The following ITGAE variants were observed in gnomAD, a reference collection of about 807,000 sequenced individuals.
ITGAE encodes integrin subunit alpha E.
In ITGAE, 99 loss-of-function variants were observed where a neutral mutation model predicts 136.5. The ratio of observed to expected loss-of-function variants is 0.73; its 90% confidence interval spans 0.62 to 0.86. ITGAE has a LOEUF of 0.86. Among genes scored for constraint, ITGAE ranks in the 40% least tolerant of loss-of-function variants. The pLI, the probability that ITGAE is intolerant of heterozygous loss-of-function variation, is 0.00. For synonymous variants in ITGAE, 613 were observed against 591.8 expected, an observed-to-expected ratio of 1.04 and a Z score of -0.52; for missense variants, 1,447 against 1,515.3, an observed-to-expected ratio of 0.95 and a Z score of 0.75.
At chr17:3,729,647 T>C (rs1567516380) in intron 23 of ITGAE, 92 bp from the exon 24 acceptor site, 8 of 862,044 alleles carry the variant, frequency 9.3e-6, no homozygotes, top group South Asian at 4.0e-5. Flanking sequence ...CAGGCAGGAG[T>C]GCAGTGTTGC....
At position 3,755,873 on chromosome 17, in the gene ITGAE, T is replaced by A; in HGVS notation, c.1196A>T (p.Tyr399Phe). The A allele has an allele frequency of 6.3e-7, 1 of 1,599,958 alleles. No individual in the cohort carries two copies. The highest frequency in any genetic ancestry group is 1.1e-5 in the South Asian group (1 of 88,278). The change falls in exon 11 of 31, where the codon TAC becomes TTC. Residue 399 changes from tyrosine (Y) to phenylalanine (F), a missense_variant. Transcript: ENST00000263087. ...ACTGAAGCCAATCTGTGCCAGCTGG[T>A]AGTGAAGGGCGTCTCCAACCGTGCC... ...MEGTVGDALH[Y>F]QLAQIGFSAQ...
intron 1 of ITGAE, among the ~76,000 whole-genome samples, chr17:3,785,934 G>A (rs555122908): frequency 2.0e-5 from 3 of 152,086 alleles, no homozygotes; most frequent in South Asian, 2.1e-4. Flanking sequence ...TTGGGAGGCC[G>A]AGGCGGGCGG....
At position 3,732,408 on chromosome 17, in the gene ITGAE, A is replaced by T; in HGVS notation, c.2714T>A (p.Met905Lys). The change falls in exon 22 of 31, where the codon ATG (methionine) becomes AAG (lysine). Residue 905 changes from methionine to lysine, a missense_variant. Around this residue, in one of 3 missense-constraint regions of ITGAE, gnomAD observed 1,031 missense variants for 1,011.4 expected, o/e 1.02. Transcript: ENST00000263087. Reference protein sequence around the residue: ...DPQPVASVLIMNCRIGHPVLK... With the variant: ...DPQPVASVLIKNCRIGHPVLK... ...GACGGGGTGACCAATCCTGCAGTTCATGATCAGGACAGAAGCAACCGGCTG... is the reference window on the plus strand; with the variant it reads ...GACGGGGTGACCAATCCTGCAGTTCTTGATCAGGACAGAAGCAACCGGCTG... The T allele has an allele frequency of 6.2e-7, 1 of 1,614,208 alleles. No homozygotes were observed. Among genetic ancestry groups the T allele is most frequent in the Non-Finnish European group, 8.5e-7 (1 of 1,180,032 alleles).
intron 16 of ITGAE, among the ~76,000 whole-genome samples, chr17:3,750,069 G>T (rs2051825597): frequency 6.6e-6 from 1 of 152,198 alleles, no homozygotes; most frequent in African/African-American, 2.4e-5. Context: ...GCTGAGCACT[G>T]TGCTAAATAC....
intron 29 of ITGAE, 86 bp from the exon 30 acceptor site, chr17:3,716,884 G>A: frequency 1.3e-6 from 1 of 761,514 alleles, no homozygotes; most frequent in Non-Finnish European, 2.3e-6. Flanking sequence ...AGCAAAATAC[G>A]AGGACTTGGC....
At chr17:3,721,429 G>T (rs1386469415) in intron 28 of ITGAE, among the ~76,000 whole-genome samples, 1 of 150,898 alleles carries the variant, frequency 6.6e-6, no homozygotes, top group African/African-American at 2.4e-5. Flanking sequence ...GAGCCACCAT[G>T]CGTGGCTAAT....
At chr17:3,780,068 G>A (rs555672383) in intron 1 of ITGAE, among the ~76,000 whole-genome samples, 1 of 152,222 alleles carries the variant, frequency 6.6e-6, no homozygotes, top group South Asian at 2.1e-4. Context: ...CTGCCTCCCA[G>A]GTTCAAGCGA....
At chr17:3,722,141 T>G (rs1333388434) in intron 28 of ITGAE, among the ~76,000 whole-genome samples, 1 of 148,450 alleles carries the variant, frequency 6.7e-6, no homozygotes, top group Non-Finnish European at 1.5e-5. Context: ...ATCGTGCCAT[T>G]GCACAACAAG....
chr17:3,789,338 T>TA (rs142840660), intron 1 of ITGAE, among the ~76,000 whole-genome samples: 11,215 of 152,168 alleles, frequency 0.074, 1,368 homozygotes, highest in African/African-American at 0.25. Flanking sequence ...GGAAAAGTAT[T>TA]AAGCATTTTT....
At chr17:3,741,950 G>T (rs1343074622) in intron 19 of ITGAE, among the ~76,000 whole-genome samples, 1 of 152,140 alleles carries the variant, frequency 6.6e-6, no homozygotes, top group African/African-American at 2.4e-5. Flanking sequence ...GGTGATACAT[G>T]CCTGTAATCC....
At chr17:3,741,437 C>G (rs537131162) in intron 19 of ITGAE, among the ~76,000 whole-genome samples, 42 of 152,118 alleles carry the variant, frequency 2.8e-4, no homozygotes, top group African/African-American at 9.4e-4. Context: ...TCCACCCAGC[C>G]CCAGTGAAAG....
intron 26 of ITGAE, among the ~76,000 whole-genome samples, chr17:3,727,660 A>G (rs1433085690): frequency 6.6e-6 from 1 of 151,998 alleles, no homozygotes; most frequent in African/African-American, 2.4e-5. Flanking sequence ...CGGCCTCCCA[A>G]AGTGCTGGGA....
At position 3,734,888 on chromosome 17, in the gene ITGAE, C is replaced by T. The variant is rs375168971; in HGVS notation, c.2584G>A (p.Gly862Arg). Reference protein sequence around the residue: ...LTLNINLTNSGEDSYMTSMAL... With the variant: ...LTLNINLTNSREDSYMTSMAL... ...ATGCTTGTCATGTAGGAATCTTCCC[C>T]GGAGTTAGTTAGGTTAATGTTCAGG... Residue 862 changes from glycine to arginine, a missense_variant, in exon 21 of 31, where the codon GGG (glycine) becomes AGG (arginine). Gly to Arg is a moderately radical substitution (Grantham distance 125). Transcript: ENST00000263087. 95 of 1,614,028 alleles carry T rather than the reference C, an allele frequency of 5.9e-5. No individual in the cohort carries two copies. Among genetic ancestry groups the T allele is most frequent in the Admixed American group, 1.8e-4 (11 of 59,994 alleles).
chr17:3,726,014 G>C, intron 26 of ITGAE: 6 of 1,614,078 alleles, frequency 3.7e-6, no homozygotes, highest in Non-Finnish European at 5.1e-6. Context: ...TGTCGCGCTT[G>C]GAACGGGATG....
At chr17:3,740,880 G>A (rs914616012) in intron 19 of ITGAE, among the ~76,000 whole-genome samples, 5 of 152,050 alleles carry the variant, frequency 3.3e-5, no homozygotes, top group Non-Finnish European at 7.4e-5. Context: ...TCTGCACTTC[G>A]CACTTCTCTC....
intron 26 of ITGAE, among the ~76,000 whole-genome samples, chr17:3,727,349 T>C (rs1023726255): frequency 6.6e-6 from 1 of 151,994 alleles, no homozygotes; most frequent in African/African-American, 2.4e-5. Context: ...AAGCAGAATT[T>C]ATCAATTTTC....
chr17:3,782,957 TC>T (rs2052699252), intron 1 of ITGAE, among the ~76,000 whole-genome samples: 2 of 152,322 alleles, frequency 1.3e-5, no homozygotes, highest in South Asian at 4.1e-4. Context: ...GCGTTGCATG[TC>T]ATGTTTGGAT....
intron 27 of ITGAE, 150 bp downstream of exon 27, chr17:3,723,538 C>T: frequency 2.0e-6 from 2 of 1,005,540 alleles, no homozygotes; most frequent in South Asian, 2.9e-5. Flanking sequence ...CCAGCGGGAG[C>T]AATTGAGACC....
In ITGAE at chr17:3,788,842, A is replaced by T. The variant is rs544920335; in HGVS notation, c.35-11182T>A. ...ATAATAATTATTAAAATAATTATTT[A>T]AAAATAATAATTATAATTAAAATAT... On this transcript the variant is annotated intron_variant, in intron 1 of 30. Coordinates refer to ENST00000263087, the MANE Select transcript of ITGAE (RefSeq NM_002208.5). Among the ~76,000 whole-genome samples, 40 of 101,650 alleles carry T rather than the reference A, an allele frequency of 3.9e-4. No homozygotes were observed. The South Asian group carries it at 7.7e-3, about 20-fold the overall frequency. 66.7% of individuals were successfully genotyped at this position (101,650 alleles called of 152,430 possible). A position where few individuals can be genotyped will look rare whatever the true frequency, so the allele number is the denominator to read the frequency against.
Sources: allele counts gnomAD v4.1 joint callset (sites outside exome capture counted in the v4.1 genomes callset), GRCh38; gene constraint gnomAD v4.1.1; regional missense constraint gnomAD v4.1.1; transcripts MANE v1.5; gene names NCBI Gene and HGNC (gene_info 2026-07-23, HGNC 2026-07-21).